Variants in ORC3 observed in about 807,000 individuals in gnomAD.
ORC3 encodes the protein origin recognition complex subunit 3, also known as homolog of latheo, Drosophila.
A neutral mutation model predicts 100.7 loss-of-function variants in ORC3; 78 were observed. That is an observed-to-expected ratio of 0.77 (90% CI 0.65 to 0.94). The LOEUF (loss-of-function observed/expected upper bound fraction) is 0.94, where lower values mean the gene tolerates loss of function less well. Ranked by LOEUF, ORC3 falls within the 40% of genes least tolerant of loss-of-function variation. ORC3 has a pLI of 0.00. For synonymous variants in ORC3, 295 were observed against 289.3 expected, an observed-to-expected ratio of 1.02 and a Z score of -0.20; for missense variants, 789 against 823.9, an observed-to-expected ratio of 0.96 and a Z score of 0.52.
intron 11 of ORC3, among the ~76,000 whole-genome samples, chr6:87,626,602 A>G (rs1021860776): frequency 6.6e-6 from 1 of 152,186 alleles, no homozygotes; most frequent in African/African-American, 2.4e-5. Flanking sequence ...CCTGGACAGC[A>G]TAGCAAAACC....
At chr6:87,613,920 G>A (rs1027290105) in intron 8 of ORC3, among the ~76,000 whole-genome samples, 4 of 152,256 alleles carry the variant, frequency 2.6e-5, no homozygotes, top group Non-Finnish European at 4.4e-5. Context: ...CCAGGCACAC[G>A]GTGCAAGCTG....
intron 2 of ORC3, chr6:87,595,400 T>C (rs550098982): frequency 6.6e-6 from 1 of 152,374 alleles, no homozygotes; most frequent in Admixed American, 6.5e-5. Context: ...TGTAAGACTA[T>C]CATAAATACC....
Position 87,653,165 on chromosome 6 carries a change from GT to G in ORC3, c.1437del (p.Phe479LeufsTer16). 1.2e-6 allele frequency: 2 copies of G among 1,613,722 alleles called. No individual in the cohort carries two copies. Among genetic ancestry groups the G allele is most frequent in the Non-Finnish European group, 1.7e-6 (2 of 1,179,704 alleles). Reference protein sequence around the residue: ...LMTILEKCFKVFKSYCENHLG... With the variant: ...LMTILEKCFKXFKSYCENHLG... ...GACCATACTTGAGAAATGTTTCAAGGTTTTTAAGTCTTATTGTGAAAACCAC... is the reference window on the plus strand; with the variant it reads ...GACCATACTTGAGAAATGTTTCAAGGTTTTAAGTCTTATTGTGAAAACCAC... On this transcript the variant is annotated frameshift_variant, in exon 14 of 20. Transcript: ENST00000392844. LOFTEE classifies it high-confidence loss of function.
chr6:87,656,646 G>A (rs1769720925), intron 14 of ORC3, among the ~76,000 whole-genome samples: 1 of 151,988 alleles, frequency 6.6e-6, no homozygotes, highest in South Asian at 2.1e-4. Flanking sequence ...GTTTTGTTAG[G>A]TTGTATTTTG....
At position 87,597,682 on chromosome 6, in the gene ORC3, C is replaced by T. The variant is rs768287879; in HGVS notation, c.79+3275C>T. 4.0e-3 allele frequency among the ~76,000 whole-genome samples: 343 copies of T among 85,882 alleles called. 1 individual carries two copies. Among genetic ancestry groups the T allele is most frequent in the East Asian group, 8.6e-3 (24 of 2,792 alleles). 56.3% of individuals were successfully genotyped at this position (85,882 alleles called of 152,430 possible). A position where few individuals can be genotyped will look rare whatever the true frequency, so the allele number is the denominator to read the frequency against. ...TTTTAAGTAATGATATATATATATA[C>T]ACACACACACACACACACACACACA... On this transcript the variant is annotated intron_variant, in intron 2 of 19. Transcript: ENST00000392844.
intron 10 of ORC3, 42 bp downstream of exon 10, chr6:87,621,529 T>A: frequency 7.2e-7 from 1 of 1,390,220 alleles, no homozygotes; most frequent in Non-Finnish European, 9.7e-7. Flanking sequence ...TATACTAGAA[T>A]TTGGTACTAA....
At chr6:87,651,455 A>G (rs1769260577) in intron 13 of ORC3, 1 of 335,124 alleles carries the variant, frequency 3.0e-6, no homozygotes. Flanking sequence ...TCATAACTCT[A>G]TCTGGGCAAT....
chr6:87,666,541 C>T (rs1022303632), intron 19 of ORC3, among the ~76,000 whole-genome samples: 27 of 149,520 alleles, frequency 1.8e-4, no homozygotes, highest in African/African-American at 6.0e-4. Context: ...CGGGTTCAAG[C>T]GATTCTCCTG....
intron 11 of ORC3, among the ~76,000 whole-genome samples, chr6:87,627,324 C>A: frequency 1.1e-5 from 1 of 92,782 alleles, no homozygotes. Context: ...TTGAGGGGGT[C>A]TCGCTCTATC....
chr6:87,633,558 G>A (rs903080424), intron 11 of ORC3, among the ~76,000 whole-genome samples: 1 of 152,160 alleles, frequency 6.6e-6, no homozygotes, highest in African/African-American at 2.4e-5. Flanking sequence ...GATTTCCTAA[G>A]TGAGTTGGTG....
intron 13 of ORC3, among the ~76,000 whole-genome samples, chr6:87,652,581 G>T (rs1283621011): frequency 2.0e-5 from 3 of 152,202 alleles, no homozygotes; most frequent in Non-Finnish European, 4.4e-5. Context: ...TTAGAGAAAT[G>T]AGTGTACTAT....
intron 11 of ORC3, among the ~76,000 whole-genome samples, chr6:87,626,107 A>T (rs552393194): frequency 1.3e-4 from 20 of 152,310 alleles, no homozygotes; most frequent in African/African-American, 4.3e-4. Flanking sequence ...TACAGTTTGA[A>T]GTCAGGTAGC....
chr6:87,597,045 G>A (rs948664877), intron 2 of ORC3, among the ~76,000 whole-genome samples: 2 of 152,126 alleles, frequency 1.3e-5, no homozygotes, highest in Non-Finnish European at 2.9e-5. Context: ...AATGCAGGGT[G>A]AGAGTTCCTT....
chr6:87,674,829 A>T, the ORC3 span, among the ~76,000 whole-genome samples: 1 of 151,826 alleles, frequency 6.6e-6, no homozygotes, highest in Non-Finnish European at 1.5e-5. Context: ...CAAATCTTAG[A>T]AAATTAACTT....
rs774784275 is a variant in ORC3 at position 87,665,772 on chromosome 6, A to G, written c.1969A>G (p.Thr657Ala). The part of the protein sequence containing the change: ...DWSEAFATVV[T>A]AAEKMDANSA... ...TCAAAAGGCTTTTGCAACAGTTGTGACAGCTGCTGAAAAAATGGATGCAAA... is the reference window on the plus strand; with the variant it reads ...TCAAAAGGCTTTTGCAACAGTTGTGGCAGCTGCTGAAAAAATGGATGCAAA... The change falls in exon 19 of 20, where the codon ACA becomes GCA. Residue 657 changes from threonine to alanine, a missense_variant. Around this residue, in one of 3 missense-constraint regions of ORC3, gnomAD observed 366 missense variants for 394.2 expected, o/e 0.93. Coordinates refer to ENST00000392844, the MANE Select transcript of ORC3 (RefSeq NM_012381.4). The G allele has an allele frequency of 6.2e-7, 1 of 1,611,246 alleles. No homozygotes were observed. Among genetic ancestry groups the G allele is most frequent in the Non-Finnish European group, 8.5e-7 (1 of 1,177,668 alleles).
intron 13 of ORC3, among the ~76,000 whole-genome samples, chr6:87,639,921 T>C (rs978272482): frequency 2.6e-5 from 4 of 151,458 alleles, no homozygotes; most frequent in African/African-American, 9.7e-5. Context: ...CACTTGAGCT[T>C]GGGAGGCAAA....
chr6:87,603,384 C>A lies in ORC3; in HGVS notation c.178C>A (p.Arg60=). Residue 60 remains arginine (R), a splice_region_variant and synonymous_variant, in exon 4 of 20, where the codon CGA becomes AGA. Transcript: ENST00000392844. ...ATAAGTTTTTGTGTGTTCTTTGTAG[C>A]GACTACAAGAGGAATTAAATAAAAA... is the stretch of plus-strand genomic sequence containing the variant. ...IWQQMKSENE[R]LQEELNKNLF... is the part of the protein sequence containing the mutation. 1 of 1,434,300 alleles carries A rather than the reference C, an allele frequency of 7.0e-7. No homozygotes were observed. Among genetic ancestry groups the A allele is most frequent in the Non-Finnish European group, 9.4e-7 (1 of 1,060,972 alleles). The allele number at this position is 1,434,300 out of a possible 1,614,324, so 88.8% of individuals were successfully genotyped here.
At chr6:87,635,424 G>A (rs1306534562) in intron 12 of ORC3, among the ~76,000 whole-genome samples, 2 of 152,190 alleles carry the variant, frequency 1.3e-5, no homozygotes, top group East Asian at 1.9e-4. Flanking sequence ...ACCATCTGTA[G>A]AGTAGATTTT....
chr6:87,677,031 T>TGC, the ORC3 span, among the ~76,000 whole-genome samples: 1 of 147,066 alleles, frequency 6.8e-6, no homozygotes, highest in East Asian at 2.0e-4. Context: ...GAGCCAAGAC[T>TGC]GCGCCACTGC....
Sources: allele counts gnomAD v4.1 joint callset (sites outside exome capture counted in the v4.1 genomes callset), GRCh38; gene constraint gnomAD v4.1.1; regional missense constraint gnomAD v4.1.1; transcripts MANE v1.5; gene names NCBI Gene and HGNC (gene_info 2026-07-23, HGNC 2026-07-21).